The following PRKN variants were observed in gnomAD, a reference collection of about 807,000 sequenced individuals.
PRKN encodes E3 ubiquitin-protein ligase parkin.
In PRKN, 56 loss-of-function variants were observed where a neutral mutation model predicts 59.5. That is an observed-to-expected ratio of 0.94 (90% CI 0.76 to 1.18). PRKN has a LOEUF of 1.18. Among genes scored for constraint, PRKN ranks in the 50% most tolerant of loss-of-function variants. The pLI, the probability that PRKN is intolerant of heterozygous loss-of-function variation, is 0.00. For synonymous variants in PRKN, 250 were observed against 222.1 expected, an observed-to-expected ratio of 1.13 and a Z score of -1.12; for missense variants, 657 against 596.4, an observed-to-expected ratio of 1.10 and a Z score of -1.06.
Position 161,544,414 on chromosome 6 carries a change from C to T in PRKN, c.1083+4440G>A, listed in dbSNP as rs1282251031. Among the ~76,000 whole-genome samples the T allele has an allele frequency of 6.6e-6, 1 of 152,052 alleles. No homozygotes were observed. The highest frequency in any genetic ancestry group is 1.5e-5 in the Non-Finnish European group (1 of 68,008). On this transcript the variant is annotated intron_variant, in intron 9 of 11. Transcript: ENST00000366898. The surrounding 1 kb of genome is among the most constrained non-coding windows in gnomAD (Gnocchi z 5.5). ...TGGGGCAAGGTAAGCAGTTCTAATA[C>T]TGGGATAAATGATGATTAATATTGG...
chr6:162,416,963 C>T (rs921230500), intron 2 of PRKN, among the ~76,000 whole-genome samples: 10 of 152,154 alleles, frequency 6.6e-5, no homozygotes, highest in African/African-American at 9.6e-5. Flanking sequence ...AGCAGTTCTC[C>T]TAACTAAACA....
At chr6:162,202,457 T>C (rs1784771035) in intron 3 of PRKN, among the ~76,000 whole-genome samples, 1 of 152,322 alleles carries the variant, frequency 6.6e-6, no homozygotes, top group Non-Finnish European at 1.5e-5. Flanking sequence ...GGTTTTATCA[T>C]TTGTTTGCAA....
intron 1 of PRKN, among the ~76,000 whole-genome samples, chr6:162,621,978 C>T (rs1425760560): frequency 1.3e-5 from 2 of 152,048 alleles, no homozygotes; most frequent in Non-Finnish European, 2.9e-5. Flanking sequence ...CCACGCCTAG[C>T]TAATTGTATT....
At chr6:161,714,138 T>A (rs1021382861) in intron 7 of PRKN, among the ~76,000 whole-genome samples, 1 of 152,098 alleles carries the variant, frequency 6.6e-6, no homozygotes, top group Non-Finnish European at 1.5e-5. Context: ...CTGAGCAAAA[T>A]ACACTGTAAT....
At chr6:161,389,587 T>A (rs1316670207) in intron 9 of PRKN, among the ~76,000 whole-genome samples, 1 of 152,252 alleles carries the variant, frequency 6.6e-6, no homozygotes, top group African/African-American at 2.4e-5. Flanking sequence ...TGAGTTGAGT[T>A]CTAGGATTTT....
intron 6 of PRKN, among the ~76,000 whole-genome samples, chr6:161,939,415 T>C (rs1271123093): frequency 4.2e-5 from 2 of 47,180 alleles, no homozygotes; most frequent in Non-Finnish European, 8.2e-5. Context: ...AGAGACTCTG[T>C]CTCAAAAAAA....
At chr6:161,819,970 G>A (rs1791952027) in intron 6 of PRKN, among the ~76,000 whole-genome samples, 1 of 152,032 alleles carries the variant, frequency 6.6e-6, no homozygotes, top group South Asian at 2.1e-4. Flanking sequence ...TTAGTAATAA[G>A]TAACACTGAA....
Position 161,775,013 on chromosome 6 carries a change from T to C in PRKN, c.871+10759A>G, listed in dbSNP as rs572490432. Reference sequence around the variant, plus strand: ...GGTGCCACCATTTTCACAGTGGCAATTATAATTATACAAGGTCCAGGAGCT... The same window carrying C: ...GGTGCCACCATTTTCACAGTGGCAACTATAATTATACAAGGTCCAGGAGCT... On this transcript the variant is annotated intron_variant, in intron 7 of 11. Coordinates refer to ENST00000366898, the MANE Select transcript of PRKN (RefSeq NM_004562.3). Among the ~76,000 whole-genome samples, 19 of 152,154 alleles carry C rather than the reference T, an allele frequency of 1.2e-4. No individual in the cohort carries two copies. The South Asian group carries it at 3.7e-3, about 30-fold the overall frequency.
chr6:162,334,575 C>T lies in PRKN; in HGVS notation c.172-71810G>A, dbSNP rs775572037. 9.9e-5 allele frequency among the ~76,000 whole-genome samples: 15 copies of T among 152,128 alleles called. 1 individual carries two copies. Among genetic ancestry groups the T allele is most frequent in the South Asian group, 8.3e-4 (4 of 4,818 alleles). On this transcript the variant is annotated intron_variant, in intron 2 of 11. Transcript: ENST00000366898. ...CTTATTGACAATACAACTGGTCACC[C>T]GAAAGATACACAAGGAGATTAATTT...
In PRKN at chr6:161,372,805, A is replaced by T. The variant is rs1027167719; in HGVS notation, c.1168-12600T>A. Among the ~76,000 whole-genome samples the T allele has an allele frequency of 6.6e-6, 1 of 151,528 alleles. No individual in the cohort carries two copies. Among genetic ancestry groups the T allele is most frequent in the Non-Finnish European group, 1.5e-5 (1 of 67,956 alleles). ...CAGAAGGTCTACATACACTGTGGTC[A>T]ACAAAGACAGAGAGACCCTATTTTT... On this transcript the variant is annotated intron_variant, in intron 10 of 11. Transcript: ENST00000366898. This position sits in a 1 kb window ranked among gnomAD's most constrained non-coding sequence, Gnocchi z 4.2.
rs1436222995 is a variant in PRKN, at chr6:162,532,242, C to A, written c.8-88769G>T. 2.3e-5 allele frequency among the ~76,000 whole-genome samples: 3 copies of A among 130,940 alleles called. No homozygotes were observed. In the South Asian group the frequency reaches 7.4e-4, roughly 32 times the overall value. The allele number at this position is 130,940 out of a possible 152,430, so 85.9% of individuals were successfully genotyped here. On this transcript the variant is annotated intron_variant, in intron 1 of 11. Coordinates refer to ENST00000366898, the MANE Select transcript of PRKN (RefSeq NM_004562.3). ...ATGGACTATAAAACTAGCAACCTAGCTTTCCACAAACATCTTTACTGCTAT... is the reference window on the plus strand; with the variant it reads ...ATGGACTATAAAACTAGCAACCTAGATTTCCACAAACATCTTTACTGCTAT...
At chr6:162,362,029 A>G (rs1785166211) in intron 2 of PRKN, among the ~76,000 whole-genome samples, 1 of 152,200 alleles carries the variant, frequency 6.6e-6, no homozygotes, top group Admixed American at 6.5e-5. Context: ...TGAATTGCTC[A>G]CATTCTACAC....
chr6:162,655,593 T>C (rs972927025), intron 1 of PRKN, among the ~76,000 whole-genome samples: 2 of 152,208 alleles, frequency 1.3e-5, no homozygotes, highest in Non-Finnish European at 2.9e-5. Context: ...TTACTTTAAT[T>C]TGATGGTTTT....
intron 9 of PRKN, among the ~76,000 whole-genome samples, chr6:161,422,107 A>G (rs1788131601): frequency 6.6e-6 from 1 of 152,194 alleles, no homozygotes; most frequent in Admixed American, 6.5e-5. Context: ...GATCCACATA[A>G]AACTTATTAG....
At chr6:161,523,468 TGA>T (rs1378613549) in intron 9 of PRKN, among the ~76,000 whole-genome samples, 2 of 152,218 alleles carry the variant, frequency 1.3e-5, no homozygotes, top group Non-Finnish European at 2.9e-5. Context: ...GATTCACACT[TGA>T]GTTTGCTCAC....
At position 161,891,394 on chromosome 6, in the gene PRKN, C is replaced by T. The variant is rs190378507; in HGVS notation, c.734+81908G>A. On this transcript the variant is annotated intron_variant, in intron 6 of 11. Transcript: ENST00000366898. ...GTAATGAGAGGTTGAAGCTGAGATG[C>T]CAGTGAGTTCTGCTAGTTTCTGTTT... 8.7e-4 allele frequency among the ~76,000 whole-genome samples: 132 copies of T among 152,244 alleles called. 1 individual carries two copies. The highest frequency in any genetic ancestry group is 4.3e-3 in the Admixed American group (65 of 15,290).
chr6:161,509,920 A>G (rs1328406712), intron 9 of PRKN, among the ~76,000 whole-genome samples: 1 of 150,398 alleles, frequency 6.6e-6, no homozygotes, highest in Non-Finnish European at 1.5e-5. Flanking sequence ...CCACAAATCG[A>G]TATTTTAAAT....
chr6:161,826,294 A>G (rs564011733), intron 6 of PRKN, among the ~76,000 whole-genome samples: 1 of 152,336 alleles, frequency 6.6e-6, no homozygotes, highest in Admixed American at 6.5e-5. Flanking sequence ...TTAAAACAAA[A>G]GAAAATTAAA....
rs1018784476 is a variant in PRKN, at chr6:161,456,534, C to T, written c.1084-69657G>A. ...CTATTGTGGGACTTCTCCTTGTGAT[C>T]GTGTGAGTCAATTCTCCTTAATAAA... On this transcript the variant is annotated intron_variant, in intron 9 of 11. Transcript: ENST00000366898. This position sits in a 1 kb window ranked among gnomAD's most constrained non-coding sequence, Gnocchi z 4.8. Among the ~76,000 whole-genome samples, 1 of 152,106 alleles carries T rather than the reference C, an allele frequency of 6.6e-6. No individual in the cohort carries two copies. The highest frequency in any genetic ancestry group is 2.4e-5 in the African/African-American group (1 of 41,426).
Sources: gnomAD v4.1 joint callset for allele counts (sites outside exome capture counted in the v4.1 genomes callset) on GRCh38, gnomAD v4.1.1 for gene constraint, Gnocchi (gnomAD v3.1) non-coding constraint, MANE v1.5 for transcripts, NCBI Gene and HGNC (gene_info 2026-07-23, HGNC 2026-07-21) for gene names.